The following CCDC83 variants were observed in gnomAD, a reference collection of about 807,000 sequenced individuals.
The protein encoded by CCDC83 is coiled-coil domain containing 83, also known as coiled-coil domain-containing protein 83.
Under a neutral mutation model 50.1 loss-of-function variants are expected in CCDC83, and 54 were observed. The ratio of observed to expected loss-of-function variants is 1.08; its 90% CI spans 0.87 to 1.35. The LOEUF is 1.35. Ranked by LOEUF, CCDC83 falls within the 40% of genes most tolerant of loss-of-function variation. The pLI is 0.00. For synonymous variants in CCDC83, 161 were observed against 153.3 expected (o/e 1.05, Z -0.37); for missense variants, 518 against 473.9 (o/e 1.09, Z -0.86).
intron 4 of CCDC83, among the ~76,000 whole-genome samples, chr11:85,884,256 G>A (rs1027637287): frequency 8.5e-5 from 13 of 152,190 alleles, no homozygotes; most frequent in African/African-American, 3.1e-4. Context: ...GGGAAAGTAA[G>A]AGAACAGAAG....
At chr11:85,884,093 T>C (rs2093314903) in intron 4 of CCDC83, among the ~76,000 whole-genome samples, 1 of 152,176 alleles carries the variant, frequency 6.6e-6, no homozygotes, top group Admixed American at 6.5e-5. Flanking sequence ...TCTAAAGGAA[T>C]GGGCCCAGTT....
At position 85,873,299 on chromosome 11, in the gene CCDC83, A is replaced by T. The variant is rs776769203; in HGVS notation, c.180+4A>T. 7.5e-7 allele frequency: 1 copy of T among 1,330,648 alleles called. No individual in the cohort carries two copies. The highest frequency in any genetic ancestry group is 1.0e-6 in the Non-Finnish European group (1 of 953,680). The allele number at this position is 1,330,648 out of a possible 1,614,324, so 82.4% of individuals were successfully genotyped here. ...GAACCAAAAATATCATGAAAGAGTG[A>T]GTATAAAATTTAGAACCTATATATA... On this transcript the variant is annotated splice_donor_region_variant and intron_variant, in intron 3 of 10. Coordinates refer to ENST00000342404, the MANE Select transcript of CCDC83 (RefSeq NM_001286159.2).
chr11:85,869,706 G>A (rs772460166), intron 2 of CCDC83, among the ~76,000 whole-genome samples: 9 of 152,190 alleles, frequency 5.9e-5, no homozygotes, highest in Non-Finnish European at 1.2e-4. Flanking sequence ...CACCTAGTGT[G>A]ACATGTCAGA....
chr11:85,878,738 T>C (rs925586808), intron 3 of CCDC83, among the ~76,000 whole-genome samples: 4 of 131,466 alleles, frequency 3.0e-5, no homozygotes, highest in Non-Finnish European at 4.8e-5. Context: ...CACGTTAGTT[T>C]TTAAAGAAAC....
chr11:85,881,542 C>T (rs991612103), intron 3 of CCDC83, among the ~76,000 whole-genome samples: 5 of 152,118 alleles, frequency 3.3e-5, no homozygotes, highest in African/African-American at 1.2e-4. Context: ...CCCTCCTCAG[C>T]CTCCTGAATA....
At chr11:85,856,184 CAAAA>C (rs370054964) in intron 1 of CCDC83, among the ~76,000 whole-genome samples, 6 of 94,868 alleles carry the variant, frequency 6.3e-5, no homozygotes, top group African/African-American at 8.0e-5. Flanking sequence ...CTATCTAAGC[CAAAA>C]AAAAAAAAAA....
intron 5 of CCDC83, among the ~76,000 whole-genome samples, chr11:85,887,659 CAT>C (rs145805921): frequency 0.07 from 10,429 of 148,308 alleles, 424 homozygotes; most frequent in South Asian, 0.1. Flanking sequence ...ATATTCTATG[CAT>C]ATATATATAT....
chr11:85,913,595 T>G (rs12790645), intron 8 of CCDC83, among the ~76,000 whole-genome samples: 19,255 of 152,256 alleles, frequency 0.13, 1,279 homozygotes, highest in Admixed American at 0.16. Flanking sequence ...CTGTCTCCAG[T>G]GGACACAGAA....
chr11:85,874,372 G>C (rs1042939832), intron 3 of CCDC83, among the ~76,000 whole-genome samples: 1 of 152,218 alleles, frequency 6.6e-6, no homozygotes. Flanking sequence ...ACAGGGACTT[G>C]TAGATCAGGA....
intron 7 of CCDC83, among the ~76,000 whole-genome samples, chr11:85,904,105 G>A (rs754024691): frequency 1.3e-5 from 2 of 151,858 alleles, no homozygotes; most frequent in Non-Finnish European, 2.9e-5. Context: ...TGACTCTCCC[G>A]TCAGTTCAGA....
Position 85,856,966 on chromosome 11 carries a change from C to T in CCDC83, c.-29+1382C>T, listed in dbSNP as rs573434842. Among the ~76,000 whole-genome samples, 17 of 152,280 alleles carry T rather than the reference C, an allele frequency of 1.1e-4. No homozygotes were observed. In the South Asian group the frequency reaches 2.1e-3, roughly 19 times the overall value. ...CATGTGTTCTGTGCAATCTCATTTG[C>T]AGTAGCCACAAAACGAATAAACTAC... On this transcript the variant is annotated intron_variant, in intron 1 of 10. Coordinates refer to ENST00000342404, the MANE Select transcript of CCDC83 (RefSeq NM_001286159.2).
chr11:85,866,794 C>A (rs2093210000), intron 2 of CCDC83, among the ~76,000 whole-genome samples: 1 of 151,986 alleles, frequency 6.6e-6, no homozygotes, highest in African/African-American at 2.4e-5. Context: ...TTTGAGAAAG[C>A]TTTGAGCTGA....
At chr11:85,891,427 CA>C (rs2093350074) in intron 5 of CCDC83, among the ~76,000 whole-genome samples, 1 of 152,160 alleles carries the variant, frequency 6.6e-6, no homozygotes, top group Admixed American at 6.5e-5. Context: ...CAGTCACTAA[CA>C]TATCCAGGCC....
At chr11:85,858,743 G>A (rs113284233) in intron 1 of CCDC83, among the ~76,000 whole-genome samples, 16 of 144,782 alleles carry the variant, frequency 1.1e-4, no homozygotes, top group African/African-American at 4.2e-4. Flanking sequence ...CACCCGGTCT[G>A]TGGACTTATA....
At chr11:85,866,037 A>C (rs1246336475) in intron 2 of CCDC83, among the ~76,000 whole-genome samples, 1 of 152,184 alleles carries the variant, frequency 6.6e-6, no homozygotes, top group Non-Finnish European at 1.5e-5. Flanking sequence ...CTTTTTAATA[A>C]TAATAAAATT....
At chr11:85,893,133 C>CT (rs1206698809) in intron 5 of CCDC83, among the ~76,000 whole-genome samples, 1 of 152,188 alleles carries the variant, frequency 6.6e-6, no homozygotes, top group Non-Finnish European at 1.5e-5. Flanking sequence ...TATTTGCTTT[C>CT]TGGTGCTGAA....
intron 7 of CCDC83, 95 bp downstream of exon 7, chr11:85,899,110 T>C (rs1033012779): frequency 1.7e-5 from 15 of 895,166 alleles, no homozygotes; most frequent in Non-Finnish European, 2.5e-5. Flanking sequence ...GGGAAAAGCA[T>C]GGTACCATGA....
At chr11:85,867,545 A>G (rs1042988528) in intron 2 of CCDC83, among the ~76,000 whole-genome samples, 1 of 152,188 alleles carries the variant, frequency 6.6e-6, no homozygotes, top group East Asian at 1.9e-4. Flanking sequence ...TTTCTACTTG[A>G]AATAACATTA....
chr11:85,892,400 C>T (rs758996949), intron 5 of CCDC83, among the ~76,000 whole-genome samples: 7 of 152,172 alleles, frequency 4.6e-5, no homozygotes, highest in East Asian at 1.9e-4. Flanking sequence ...ATCACAGAGG[C>T]TAACAATGAG....
Sources: gnomAD v4.1 joint callset for allele counts (sites outside exome capture counted in the v4.1 genomes callset) on GRCh38, gnomAD v4.1.1 for gene constraint, MANE v1.5 for transcripts, NCBI Gene and HGNC (gene_info 2026-07-23, HGNC 2026-07-21) for gene names.